Variants in PRKAG2 observed in about 807,000 individuals in gnomAD.
The protein encoded by PRKAG2 is 5'-AMP-activated protein kinase subunit gamma-2.
Under a neutral mutation model 69.6 loss-of-function variants are expected in PRKAG2, and 26 were observed. The ratio of observed to expected loss-of-function variants is 0.37; its 90% CI spans 0.27 to 0.52. PRKAG2 has a LOEUF of 0.52. Ranked by LOEUF, PRKAG2 falls within the 20% of genes least tolerant of loss-of-function variation. The pLI is 0.90. For missense variants in PRKAG2, 557 were observed against 740.0 expected, an observed-to-expected ratio of 0.75 and a Z score of 2.87; for synonymous variants, 293 against 285.0, an observed-to-expected ratio of 1.03 and a Z score of -0.28.
chr7:151,646,200 A>G (rs1230283034), intron 4 of PRKAG2, among the ~76,000 whole-genome samples: 3 of 152,200 alleles, frequency 2.0e-5, no homozygotes, highest in Non-Finnish European at 2.9e-5. Context: ...ATGTTTCTAT[A>G]TACATTCCAG....
chr7:151,674,407 C>T (rs574991153), intron 4 of PRKAG2, among the ~76,000 whole-genome samples: 23 of 152,264 alleles, frequency 1.5e-4, no homozygotes, highest in Admixed American at 3.3e-4. Context: ...CAGTGACATG[C>T]GACACTAATG....
rs573023667 is a variant in PRKAG2, at chr7:151,835,561, C to G, written c.114+40946G>C. 9.9e-5 allele frequency among the ~76,000 whole-genome samples: 15 copies of G among 152,278 alleles called. No individual in the cohort carries two copies. Among genetic ancestry groups the G allele is most frequent in the Non-Finnish European group, 7.4e-5 (5 of 68,018 alleles). ...CCCTTCCGAGGCATCTAACAGCATC[C>G]TCCCTGGCCTAAGCCTGGGAGCCTT... On this transcript the variant is annotated intron_variant, in intron 1 of 15. Coordinates refer to ENST00000287878, the MANE Select transcript of PRKAG2 (RefSeq NM_016203.4). The surrounding 1 kb of genome is among the most constrained non-coding windows in gnomAD (Gnocchi z 4.1).
In PRKAG2 at chr7:151,699,060, A is replaced by C. The variant is rs1189568146; in HGVS notation, c.467-23423T>G. Among the ~76,000 whole-genome samples the C allele has an allele frequency of 2.0e-5, 3 of 152,172 alleles. No individual in the cohort carries two copies. The highest frequency in any genetic ancestry group is 4.4e-5 in the Non-Finnish European group (3 of 68,030). ...GAGGGTTTCAGGACAGGGTACAGGA[A>C]ATGACCTGCAAGTCTGCAGAGCCAG... On this transcript the variant is annotated intron_variant, in intron 3 of 15. Coordinates refer to ENST00000287878, the MANE Select transcript of PRKAG2 (RefSeq NM_016203.4). This position sits in a 1 kb window ranked among gnomAD's most constrained non-coding sequence, Gnocchi z 4.5.
chr7:151,773,048 A>G (rs1563639992), intron 3 of PRKAG2, among the ~76,000 whole-genome samples: 4 of 34,544 alleles, frequency 1.2e-4, no homozygotes, highest in Non-Finnish European at 2.1e-4. Flanking sequence ...AGAGAGAGAG[A>G]GAGAGGGAGG....
intron 5 of PRKAG2, among the ~76,000 whole-genome samples, chr7:151,602,811 G>A (rs1242951972): frequency 1.3e-5 from 2 of 152,178 alleles, no homozygotes; most frequent in Non-Finnish European, 2.9e-5. Flanking sequence ...TTGTGATAGT[G>A]CCTGAGTTTT....
intron 1 of PRKAG2, among the ~76,000 whole-genome samples, chr7:151,875,821 C>T (rs1267238463): frequency 2.0e-5 from 3 of 152,104 alleles, no homozygotes; most frequent in East Asian, 1.9e-4. Context: ...AATGTCCTCC[C>T]GGGCGGCTGG....
intron 1 of PRKAG2, among the ~76,000 whole-genome samples, chr7:151,813,140 CT>C (rs1208941082): frequency 6.6e-6 from 1 of 152,248 alleles, no homozygotes; most frequent in South Asian, 2.1e-4. Context: ...GAGCTTCCCC[CT>C]CTCACTTACT....
chr7:151,570,034 G>T, intron 10 of PRKAG2, 137 bp downstream of exon 10: 1 of 989,018 alleles, frequency 1.0e-6, no homozygotes. Flanking sequence ...TACTGAATGC[G>T]TACAGTGTAG....
Position 151,632,121 on chromosome 7 carries a change from G to A in PRKAG2, c.702C>T (p.Ala234=). The change falls in exon 5 of 16, where the codon GCC becomes GCT. Residue 234 remains alanine (A), a synonymous_variant. Transcript: ENST00000287878. This position sits in a 1 kb window ranked among gnomAD's most constrained non-coding sequence, Gnocchi z 4.2. ...GCATGCCGGCTTCCGCGGGTCCCAG[G>A]GCCGCCGCCAGCGCCGCCTGAGGGG... ...APSKAAALAA[A]LGPAEAGMLE... is the part of the protein sequence containing the mutation. 2 of 1,409,216 alleles carry A rather than the reference G, an allele frequency of 1.4e-6. No individual in the cohort carries two copies. The highest frequency in any genetic ancestry group is 1.9e-6 in the Non-Finnish European group (2 of 1,067,916). 87.3% of individuals were successfully genotyped at this position (1,409,216 alleles called of 1,614,324 possible).
chr7:151,628,727 T>C (rs911566077), intron 5 of PRKAG2, among the ~76,000 whole-genome samples: 2 of 128,400 alleles, frequency 1.6e-5, no homozygotes, highest in Admixed American at 1.5e-4. Context: ...AAAATTGCTA[T>C]GGGCAAGGCT....
In PRKAG2 at chr7:151,876,838, G is replaced by T. The variant is rs1304846627; in HGVS notation, c.-218C>A. On this transcript the variant is annotated 5_prime_UTR_variant, in exon 1 of 16. Transcript: ENST00000287878. ...AAGCGTCCTTTCCTACGGAACCCTCGTAGGCAAATCAGTCAAAGCCCGTCC... is the reference window on the plus strand; with the variant it reads ...AAGCGTCCTTTCCTACGGAACCCTCTTAGGCAAATCAGTCAAAGCCCGTCC... The T allele has an allele frequency of 1.5e-5, 9 of 609,518 alleles. No individual in the cohort carries two copies. In the East Asian group the frequency reaches 2.5e-4, roughly 17 times the overall value. The allele number at this position is 609,518 out of a possible 1,614,324, so 37.8% of individuals were successfully genotyped here.
intron 3 of PRKAG2, among the ~76,000 whole-genome samples, chr7:151,729,024 G>A (rs1246039694): frequency 2.0e-5 from 3 of 151,972 alleles, no homozygotes; most frequent in Non-Finnish European, 2.9e-5. Flanking sequence ...GAGTGACTCC[G>A]GGAGTCCTCG....
At position 151,731,988 on chromosome 7, in the gene PRKAG2, C is replaced by A. The variant is rs562709001; in HGVS notation, c.466+49164G>T. ...CAGTAGCTGGGACTACAGGTGCACA[C>A]AACCACACCCAACTAACTATTTTTT... On this transcript the variant is annotated intron_variant, in intron 3 of 15. Transcript: ENST00000287878. 2.0e-5 allele frequency among the ~76,000 whole-genome samples: 3 copies of A among 152,170 alleles called. No individual in the cohort carries two copies. In the South Asian group the frequency reaches 6.2e-4, roughly 32 times the overall value.
At chr7:151,765,806 C>CT (rs374958982) in intron 3 of PRKAG2, among the ~76,000 whole-genome samples, 110 of 152,304 alleles carry the variant, frequency 7.2e-4, no homozygotes, top group African/African-American at 2.5e-3. Flanking sequence ...TTTTAAAACT[C>CT]TATCTAATTG....
chr7:151,726,148 T>A (rs1797907389), intron 3 of PRKAG2, among the ~76,000 whole-genome samples: 1 of 152,000 alleles, frequency 6.6e-6, no homozygotes, highest in Non-Finnish European at 1.5e-5. Flanking sequence ...GTCCTGCTAG[T>A]GGGGAAGCAG....
At chr7:151,745,408 C>A (rs958827551) in intron 3 of PRKAG2, among the ~76,000 whole-genome samples, 3 of 152,184 alleles carry the variant, frequency 2.0e-5, no homozygotes, top group Non-Finnish European at 4.4e-5. Context: ...CTCACTGGGG[C>A]CTCCACGCCC....
chr7:151,680,323 T>C (rs905513508), intron 3 of PRKAG2, among the ~76,000 whole-genome samples: 1 of 152,124 alleles, frequency 6.6e-6, no homozygotes, highest in African/African-American at 2.4e-5. Flanking sequence ...CAAGAAGAGG[T>C]TAGATAAATC....
At chr7:151,613,617 C>A (rs1819397653) in intron 5 of PRKAG2, among the ~76,000 whole-genome samples, 1 of 151,732 alleles carries the variant, frequency 6.6e-6, no homozygotes, top group Non-Finnish European at 1.5e-5. Flanking sequence ...CCTGACTCAG[C>A]CTCCCAAGCA....
At chr7:151,576,625 C>T (rs556681558) in intron 6 of PRKAG2, among the ~76,000 whole-genome samples, 173 bp from the exon 7 acceptor site, 54 of 152,248 alleles carry the variant, frequency 3.5e-4, no homozygotes, top group Non-Finnish European at 6.3e-4. Context: ...CTCAGCCTCC[C>T]GAGTAGCTGG....
Sources: gnomAD v4.1 joint callset for allele counts (sites outside exome capture counted in the v4.1 genomes callset) on GRCh38, gnomAD v4.1.1 for gene constraint, Gnocchi (gnomAD v3.1) non-coding constraint, MANE v1.5 for transcripts, NCBI Gene and HGNC (gene_info 2026-07-23, HGNC 2026-07-21) for gene names.